The following FAM161B variants were observed in gnomAD, a reference collection of about 807,000 sequenced individuals.
FAM161B encodes the protein protein FAM161B.
A neutral mutation model predicts 61.5 loss-of-function variants in FAM161B; 46 were observed. That is an observed-to-expected ratio of 0.75 (90% confidence interval 0.59 to 0.96). FAM161B has a LOEUF of 0.96. FAM161B is among the 40% of genes least tolerant of loss of function. The pLI is 0.00. For synonymous variants in FAM161B, 284 were observed against 302.7 expected, an observed-to-expected ratio of 0.94 and a Z score of 0.64; for missense variants, 774 against 800.7, an observed-to-expected ratio of 0.97 and a Z score of 0.40.
Position 73,946,456 on chromosome 14 carries a change from G to C in FAM161B, c.204C>G (p.Tyr68Ter), listed in dbSNP as rs2056068030. 4 of 1,614,030 alleles carry C rather than the reference G, an allele frequency of 2.5e-6. No individual in the cohort carries two copies. In the South Asian group the frequency reaches 4.4e-5, roughly 18 times the overall value. Residue 68 changes from tyrosine (Y) to a stop codon, truncating the protein, a stop_gained, in exon 2 of 9, where the codon TAC becomes TAG. Transcript: ENST00000286544. LOFTEE classifies it high-confidence loss of function. ...TCTGCTTCAGTTCCTGTAAGTTCTG[G>C]TAAATGCTCCCAGTTGAGTCAGAAG... ...DSTSDSTGSI[Y>*]QNLQELKQKG... is the part of the protein sequence containing the mutation.
intron 4 of FAM161B, among the ~76,000 whole-genome samples, chr14:73,941,739 C>G (rs533273147): frequency 6.6e-6 from 1 of 152,032 alleles, no homozygotes; most frequent in Admixed American, 6.6e-5. Context: ...AACTTTCACT[C>G]TTGTTGTCCA....
At chr14:73,934,485 T>C (rs1351156795) in intron 8 of FAM161B, 91 bp from the exon 9 acceptor site, 3 of 1,289,670 alleles carry the variant, frequency 2.3e-6, no homozygotes, top group Non-Finnish European at 3.2e-6. Context: ...AGTGGCATGA[T>C]CTCAGCTCAC....
chr14:73,932,159 C>T (rs2055926202), downstream of FAM161B: 2 of 366,528 alleles, frequency 5.5e-6, no homozygotes, highest in South Asian at 2.1e-5. Context: ...TTGCTTTCTT[C>T]GTTAATGGAA....
intron 3 of FAM161B, among the ~76,000 whole-genome samples, chr14:73,943,960 C>T (rs758241): frequency 0.39 from 59,519 of 151,930 alleles, 12,403 homozygotes; most frequent in South Asian, 0.5. Flanking sequence ...CTCACCAGGA[C>T]GAAGGAGCCA....
chr14:73,923,267 G>T, the FAM161B span: 1 of 1,091,822 alleles, frequency 9.2e-7, no homozygotes. Flanking sequence ...GGATTAACTT[G>T]GAAGAAATAG....
chr14:73,924,822 G>A, the FAM161B span: 2 of 350,042 alleles, frequency 5.7e-6, no homozygotes, highest in Non-Finnish European at 1.1e-5. Flanking sequence ...TACTACAGGT[G>A]CGTGCCACCA....
chr14:73,923,413 C>G, the FAM161B span: 36 of 1,612,938 alleles, frequency 2.2e-5, no homozygotes, highest in Admixed American at 6.7e-5. Flanking sequence ...GCTGAAGGAT[C>G]CCCACGTTCC....
At chr14:73,943,850 C>CGGTA (rs1343239619) in intron 3 of FAM161B, among the ~76,000 whole-genome samples, 2 of 145,036 alleles carry the variant, frequency 1.4e-5, no homozygotes, top group African/African-American at 5.5e-5. Context: ...ATGGCACATG[C>CGGTA]TACCGAAAAG....
downstream of FAM161B, among the ~76,000 whole-genome samples, chr14:73,930,450 A>T (rs1449116053): frequency 6.6e-6 from 1 of 152,144 alleles, no homozygotes; most frequent in Non-Finnish European, 1.5e-5. Context: ...GGCATGAGCC[A>T]TGGTGCCCAG....
rs763749061 is a variant in FAM161B at position 73,944,324 on chromosome 14, G to A, written c.925+11C>T. 2.6e-6 allele frequency: 4 copies of A among 1,559,292 alleles called. No homozygotes were observed. The East Asian group carries it at 9.1e-5, about 35-fold the overall frequency. Reference sequence around the variant, plus strand: ...AGGCAGGAGGCAGCAAGGTGGCAAGGATGTCTTTACCCTGGAGTTTATCCC... The same window carrying A: ...AGGCAGGAGGCAGCAAGGTGGCAAGAATGTCTTTACCCTGGAGTTTATCCC... On this transcript the variant is annotated intron_variant, in intron 3 of 8. Coordinates refer to ENST00000286544, the MANE Select transcript of FAM161B (RefSeq NM_152445.3).
chr14:73,941,551 A>G (rs930540057), intron 4 of FAM161B, among the ~76,000 whole-genome samples: 1 of 152,200 alleles, frequency 6.6e-6, no homozygotes, highest in African/African-American at 2.4e-5. Flanking sequence ...TTGGATATCA[A>G]TCCTAAAGTT....
the FAM161B span, chr14:73,922,718 T>C: frequency 6.6e-6 from 1 of 152,642 alleles, no homozygotes. Flanking sequence ...CATGCATTTA[T>C]TCAGTGCCTA....
the FAM161B span, chr14:73,923,271 G>GA: frequency 2.7e-6 from 3 of 1,126,482 alleles, no homozygotes; most frequent in Non-Finnish European, 3.6e-6. Flanking sequence ...TAACTTGGAA[G>GA]AAATAGAGGA....
chr14:73,926,277 C>T, the FAM161B span, among the ~76,000 whole-genome samples: 1 of 151,904 alleles, frequency 6.6e-6, no homozygotes, highest in Admixed American at 6.6e-5. Flanking sequence ...TTTTTTCCTC[C>T]CCCTCAAAAA....
chr14:73,936,692 G>C (rs2055972919), intron 7 of FAM161B, among the ~76,000 whole-genome samples: 1 of 152,186 alleles, frequency 6.6e-6, no homozygotes, highest in African/African-American at 2.4e-5. Context: ...ATGAGATTTT[G>C]AACAATGCAG....
At chr14:73,937,816 A>G in intron 6 of FAM161B, 115 bp from the exon 7 acceptor site, 6 of 1,549,356 alleles carry the variant, frequency 3.9e-6, no homozygotes, top group Non-Finnish European at 5.3e-6. Flanking sequence ...TCTGACTTGG[A>G]AAATCATGAC....
At chr14:73,940,807 A>T (rs1027133872) in intron 5 of FAM161B, 119 bp downstream of exon 5, 1 of 1,412,730 alleles carries the variant, frequency 7.1e-7, no homozygotes, top group Non-Finnish European at 9.4e-7. Context: ...CTGATCAGAA[A>T]ATTCCCTTTG....
chr14:73,937,455 T>G, intron 7 of FAM161B, 147 bp downstream of exon 7: 1 of 679,482 alleles, frequency 1.5e-6, no homozygotes, highest in Non-Finnish European at 2.5e-6. Context: ...TATTGTACTA[T>G]TTATTTTGGG....
intron 5 of FAM161B, among the ~76,000 whole-genome samples, chr14:73,940,383 C>G (rs1483382478): frequency 6.6e-6 from 1 of 152,204 alleles, no homozygotes; most frequent in Non-Finnish European, 1.5e-5. Flanking sequence ...CAGCCACCTG[C>G]TAGCATGCTT....
Sources: allele counts gnomAD v4.1 joint callset (sites outside exome capture counted in the v4.1 genomes callset), GRCh38; gene constraint gnomAD v4.1.1; transcripts MANE v1.5; gene names NCBI Gene and HGNC (gene_info 2026-07-23, HGNC 2026-07-21).